The following SULF2 variants were observed in gnomAD, a reference collection of about 807,000 sequenced individuals.
The protein encoded by SULF2 is sulfatase 2.
A neutral mutation model predicts 107.7 loss-of-function variants in SULF2; 52 were observed. That is an observed-to-expected ratio of 0.48 (90% CI 0.39 to 0.61). The LOEUF is 0.61. Among genes scored for constraint, SULF2 ranks in the 20% least tolerant of loss-of-function variants. The pLI, the probability that SULF2 is intolerant of heterozygous loss-of-function variation, is 0.00. For missense variants in SULF2, 993 were observed against 1,177.3 expected, an observed-to-expected ratio of 0.84 and a Z score of 2.29; for synonymous variants, 460 against 464.3, an observed-to-expected ratio of 0.99 and a Z score of 0.12.
At chr20:47,705,880 C>T (rs920969275) in intron 3 of SULF2, among the ~76,000 whole-genome samples, 3 of 150,776 alleles carry the variant, frequency 2.0e-5, no homozygotes, top group Non-Finnish European at 2.9e-5. Context: ...CTCACAGCAA[C>T]CTTTGCCTCC....
In SULF2 at chr20:47,684,368, C is replaced by T. The variant is rs370991182; in HGVS notation, c.888+63G>A. ...AAAACCCTGAAGGGCCAGGAGGTCT[C>T]GGCCCTGGCCTGGCTGGGGGTTCGG... On this transcript the variant is annotated intron_variant, in intron 6 of 20. Coordinates refer to ENST00000688720, the MANE Select transcript of SULF2 (RefSeq NM_001387048.1). 290 of 1,505,204 alleles carry T rather than the reference C, an allele frequency of 1.9e-4. 2 individuals are homozygous for T. The Middle Eastern group carries it at 2.3e-3, about 12-fold the overall frequency. 93.2% of individuals were successfully genotyped at this position (1,505,204 alleles called of 1,614,324 possible). A position where few individuals can be genotyped will look rare whatever the true frequency, so the allele number is the denominator to read the frequency against.
In SULF2 at chr20:47,715,419, GCTTT is replaced by G. The variant is rs1458765513; in HGVS notation, c.416-12753_416-12750del. On this transcript the variant is annotated intron_variant, in intron 3 of 20. Transcript: ENST00000688720. ...GAGTACCAGCCCCATGAGGGCAGCGGCTTTCTGAGTCCCTTGTCCCCTGTGTCCT... is the reference window on the plus strand; with the variant it reads ...GAGTACCAGCCCCATGAGGGCAGCGGCTGAGTCCCTTGTCCCCTGTGTCCT... Among the ~76,000 whole-genome samples the G allele has an allele frequency of 3.9e-5, 6 of 152,246 alleles. No individual in the cohort carries two copies. In the South Asian group the frequency reaches 6.2e-4, roughly 16 times the overall value.
At position 47,666,357 on chromosome 20, in the gene SULF2, C is replaced by T. The variant is rs2087270738; in HGVS notation, c.1708G>A (p.Ala570Thr). The change falls in exon 12 of 21, where the codon GCC becomes ACC. Residue 570 changes from alanine to threonine, a missense_variant. Transcript: ENST00000688720. The surrounding 1 kb of genome is among the most constrained non-coding windows in gnomAD (Gnocchi z 5.4). ...TCCTTGTCATCTTGGTCCTCAGGGG[C>T]CCCTGGCCAGTGCCGCTTGGTGAGG... ...RNLTKRHWPGAPEDQDDKDGG... is the reference protein window; with the variant it reads ...RNLTKRHWPGTPEDQDDKDGG... The T allele has an allele frequency of 6.2e-7, 1 of 1,614,216 alleles. No homozygotes were observed. The highest frequency in any genetic ancestry group is 8.5e-7 in the Non-Finnish European group (1 of 1,180,054).
At chr20:47,676,773 GT>G in intron 9 of SULF2, 150 bp from the exon 10 acceptor site, 1 of 908,696 alleles carries the variant, frequency 1.1e-6, no homozygotes, top group Non-Finnish European at 1.6e-6. Flanking sequence ...GTCTTCTGAT[GT>G]TTAGGAAACT....
chr20:47,785,439 CGCCGCT>C lies in SULF2; in HGVS notation c.-203_-198del, dbSNP rs1260503697. Reference sequence around the variant, plus strand: ...CCGCTGGGCGCAGGGGACTCCGCGCCGCCGCTGCCGCTGCCGCCGCCGCCGCCGCCG... The same window carrying C: ...CCGCTGGGCGCAGGGGACTCCGCGCCGCCGCTGCCGCCGCCGCCGCCGCCG... On this transcript the variant is annotated 5_prime_UTR_variant, in exon 1 of 21. Coordinates refer to ENST00000688720, the MANE Select transcript of SULF2 (RefSeq NM_001387048.1). 5 of 147,030 alleles carry C rather than the reference CGCCGCT, an allele frequency of 3.4e-5. No individual in the cohort carries two copies. Among genetic ancestry groups the C allele is most frequent in the African/African-American group, 5.9e-5 (2 of 34,108 alleles). 9.1% of individuals were successfully genotyped at this position (147,030 alleles called of 1,614,324 possible).
At chr20:47,693,887 C>G (rs1008429907) in intron 4 of SULF2, among the ~76,000 whole-genome samples, 5 of 152,072 alleles carry the variant, frequency 3.3e-5, no homozygotes, top group Non-Finnish European at 7.4e-5. Flanking sequence ...GGTTAAAGCA[C>G]CAATAGATGT....
chr20:47,702,600 T>C lies in SULF2; in HGVS notation c.486A>G (p.Gly162=), dbSNP rs1185085957. 6.2e-7 allele frequency: 1 copy of C among 1,613,538 alleles called. No individual in the cohort carries two copies. The highest frequency in any genetic ancestry group is 1.1e-5 in the South Asian group (1 of 91,036). Residue 162 remains glycine, a synonymous_variant, in exon 4 of 21, where the codon GGA becomes GGG. Coordinates refer to ENST00000688720, the MANE Select transcript of SULF2 (RefSeq NM_001387048.1). The stretch of plus-strand genomic sequence containing the variant: ...TATAAAAGCGGGAGTTTTTAAGGAG[T>C]CCGACCCACTCCTTCCAGCCGGGTG... The part of the protein sequence containing the change: ...YVPPGWKEWV[G]LLKNSRFYNY...
chr20:47,713,877 G>T (rs1167806985), intron 3 of SULF2, among the ~76,000 whole-genome samples: 1 of 152,198 alleles, frequency 6.6e-6, no homozygotes, highest in Non-Finnish European at 1.5e-5. Flanking sequence ...AAATAAAAAT[G>T]GTTGTTAGAA....
chr20:47,670,109 A>C (rs1385666832), intron 11 of SULF2, among the ~76,000 whole-genome samples: 1 of 152,178 alleles, frequency 6.6e-6, no homozygotes, highest in Non-Finnish European at 1.5e-5. Flanking sequence ...GGCTGGCTGG[A>C]CCAGAGGAGA....
In SULF2 at chr20:47,666,121, T is replaced by C; in HGVS notation, c.1805+139A>G. The C allele has an allele frequency of 6.2e-7, 1 of 1,611,412 alleles. No homozygotes were observed. The highest frequency in any genetic ancestry group is 8.5e-7 in the Non-Finnish European group (1 of 1,179,440). ...CACTTTAATGGGGTTGGCGGCTGAA[T>C]AGTCGGGAAGGCCTCCAGTGCCACT... is the stretch of plus-strand genomic sequence containing the variant. On this transcript the variant is annotated intron_variant, in intron 12 of 20. Transcript: ENST00000688720. This position sits in a 1 kb window ranked among gnomAD's most constrained non-coding sequence, Gnocchi z 5.4.
chr20:47,713,082 T>C (rs1429299886), intron 3 of SULF2, among the ~76,000 whole-genome samples: 1 of 151,980 alleles, frequency 6.6e-6, no homozygotes, highest in Admixed American at 6.6e-5. Flanking sequence ...AAGGGATTTC[T>C]ATTATAGTGT....
At chr20:47,731,187 C>CA (rs2089596150) in intron 3 of SULF2, among the ~76,000 whole-genome samples, 1 of 81,180 alleles carries the variant, frequency 1.2e-5, no homozygotes, top group Non-Finnish European at 2.2e-5. Flanking sequence ...TGTATCTTCT[C>CA]TTTTTTTTTT....
chr20:47,665,830 C>A (rs764679125), intron 13 of SULF2, 27 bp downstream of exon 13: 1 of 1,597,990 alleles, frequency 6.3e-7, no homozygotes, highest in South Asian at 1.1e-5. Context: ...TGGCCGAGAG[C>A]ATGCTCCTCT....
intron 1 of SULF2, among the ~76,000 whole-genome samples, chr20:47,758,031 A>G (rs1051069479): frequency 1.3e-5 from 2 of 152,124 alleles, no homozygotes; most frequent in African/African-American, 2.4e-5. Context: ...TCCCGTGAGC[A>G]AGCCCGTTTG....
intron 1 of SULF2, among the ~76,000 whole-genome samples, chr20:47,783,834 A>C (rs2090874074): frequency 6.6e-6 from 1 of 152,208 alleles, no homozygotes; most frequent in Non-Finnish European, 1.5e-5. Context: ...TAGAACGCTA[A>C]ATTACACATC....
At position 47,678,506 on chromosome 20, in the gene SULF2, A is replaced by AGGGGCCCATGCTTCTCTCCCAC; in HGVS notation, c.1193+169_1193+170insGTGGGAGAGAAGCATGGGCCCC. Reference sequence around the variant, plus strand: ...CAGATGGGAAGACAGAATCTCGGAGAGGGGACCATGCTTCTCTCCCACAGC... The same window carrying AGGGGCCCATGCTTCTCTCCCAC: ...CAGATGGGAAGACAGAATCTCGGAGAGGGGCCCATGCTTCTCTCCCACGGGGACCATGCTTCTCTCCCACAGC... On this transcript the variant is annotated intron_variant, in intron 8 of 20. Coordinates refer to ENST00000688720, the MANE Select transcript of SULF2 (RefSeq NM_001387048.1). The surrounding 1 kb of genome is among the most constrained non-coding windows in gnomAD (Gnocchi z 4.5). 1.3e-6 allele frequency: 1 copy of AGGGGCCCATGCTTCTCTCCCAC among 768,566 alleles called. No homozygotes were observed. The highest frequency in any genetic ancestry group is 2.1e-6 in the Non-Finnish European group (1 of 477,146). 47.6% of individuals were successfully genotyped at this position (768,566 alleles called of 1,614,324 possible).
Position 47,678,635 on chromosome 20 carries a change from A to C in SULF2, c.1193+41T>G, listed in dbSNP as rs566215246. 55 of 1,608,956 alleles carry C rather than the reference A, an allele frequency of 3.4e-5. No individual in the cohort carries two copies. The South Asian group carries it at 5.8e-4, about 17-fold the overall frequency. On this transcript the variant is annotated intron_variant, in intron 8 of 20. Transcript: ENST00000688720. The surrounding 1 kb of genome is among the most constrained non-coding windows in gnomAD (Gnocchi z 4.5). ...TTTTGCTCTGAGTTCCCGCAGGTCA[A>C]TGTCCCGGCCCCCTCAACACCTGCC... is the stretch of plus-strand genomic sequence containing the variant.
At chr20:47,770,350 C>T (rs758964057) in intron 1 of SULF2, among the ~76,000 whole-genome samples, 1 of 152,082 alleles carries the variant, frequency 6.6e-6, no homozygotes, top group African/African-American at 2.4e-5. Flanking sequence ...CATGAGCCAC[C>T]ATGCCCAGCC....
intron 18 of SULF2, among the ~76,000 whole-genome samples, chr20:47,660,710 G>A (rs2087036935): frequency 6.6e-6 from 1 of 152,094 alleles, no homozygotes; most frequent in South Asian, 2.1e-4. Context: ...CTGGGCTCAA[G>A]TCTCCTCCCA....
Sources: allele counts gnomAD v4.1 joint callset (sites outside exome capture counted in the v4.1 genomes callset), GRCh38; gene constraint gnomAD v4.1.1; non-coding constraint Gnocchi (gnomAD v3.1); transcripts MANE v1.5; gene names NCBI Gene and HGNC (gene_info 2026-07-23, HGNC 2026-07-21).